The following FAM186B variants were observed in gnomAD, a reference collection of about 807,000 sequenced individuals.
FAM186B encodes family with sequence similarity 186 member B, also known as protein FAM186B.
FAM186B carries 68 observed loss-of-function variants against 83.4 expected under a neutral mutation model. The ratio of observed to expected loss-of-function variants is 0.81; its 90% CI spans 0.67 to 1.00. The LOEUF is 1.00. Among genes scored for constraint, FAM186B ranks in the 50% least tolerant of loss-of-function variants. The pLI is 0.00. For synonymous variants in FAM186B, 389 were observed against 422.0 expected, an observed-to-expected ratio of 0.92 and a Z score of 0.96; for missense variants, 983 against 1,099.2, an observed-to-expected ratio of 0.89 and a Z score of 1.49.
chr12:49,603,369 T>TCATA lies in FAM186B; in HGVS notation c.323-3_323-2insTATG, dbSNP rs1320304025. 8 of 1,613,958 alleles carry TCATA rather than the reference T, an allele frequency of 5.0e-6. No individual in the cohort carries two copies. The African/African-American group carries it at 9.3e-5, about 19-fold the overall frequency. ...CAATCTCATAGGTCAGAGTGTCACC[T>TCATA]GGAGAAGGGATGGGAGGTGCAGGCT... is the stretch of plus-strand genomic sequence containing the variant. On this transcript the variant is annotated splice_region_variant and splice_polypyrimidine_tract_variant and intron_variant, in intron 2 of 6. Transcript: ENST00000257894.
upstream of FAM186B, among the ~76,000 whole-genome samples, chr12:49,609,422 G>A (rs1199175230): frequency 1.3e-5 from 2 of 152,214 alleles, no homozygotes; most frequent in Non-Finnish European, 2.9e-5. Flanking sequence ...AGATCTTCAG[G>A]AATTTGGAGC....
chr12:49,589,978 C>CAAA (rs57724815), intron 5 of FAM186B, among the ~76,000 whole-genome samples: 19 of 60,638 alleles, frequency 3.1e-4, no homozygotes, highest in Middle Eastern at 8.3e-3. Context: ...ACTCTGTCTC[C>CAAA]AAAAAAAAAA....
the FAM186B span, among the ~76,000 whole-genome samples, chr12:49,613,294 G>A: frequency 2.0e-5 from 3 of 152,114 alleles, no homozygotes; most frequent in Admixed American, 6.5e-5. Flanking sequence ...TTGGGAGGCC[G>A]AGGTGGGCAG....
At chr12:49,620,293 A>C in the FAM186B span, among the ~76,000 whole-genome samples, 1 of 152,140 alleles carries the variant, frequency 6.6e-6, no homozygotes, top group Non-Finnish European at 1.5e-5. Flanking sequence ...TTTGGATGTT[A>C]TATGAGTTCT....
At position 49,588,449 on chromosome 12, in the gene FAM186B, C is replaced by G. The variant is rs778103645; in HGVS notation, c.2534+5G>C. The G allele has an allele frequency of 6.2e-7, 1 of 1,608,824 alleles. No individual in the cohort carries two copies. Among genetic ancestry groups the G allele is most frequent in the South Asian group, 1.1e-5 (1 of 90,520 alleles). ...CTGCTGCCCCCTCAGCTTCCCAGAA[C>G]CTACCGGGCCATCTGCAGGGGCACA... On this transcript the variant is annotated splice_donor_5th_base_variant and intron_variant, in intron 6 of 6. Transcript: ENST00000257894.
chr12:49,582,891 C>A (rs1939366481), downstream of FAM186B: 1 of 385,912 alleles, frequency 2.6e-6, no homozygotes, highest in Admixed American at 3.1e-5. Context: ...AAGATACACA[C>A]ACATATATAT....
upstream of FAM186B, among the ~76,000 whole-genome samples, chr12:49,610,140 TG>T (rs755843373): frequency 0.011 from 1,535 of 137,814 alleles, 14 homozygotes; most frequent in Non-Finnish European, 0.017. Context: ...AAAGGGAAGG[TG>T]GAAAAAAAAA....
rs1404480075 is a variant in FAM186B, at chr12:49,600,143, C to T, written c.1497G>A (p.Met499Ile). 6.2e-7 allele frequency: 1 copy of T among 1,613,888 alleles called. No homozygotes were observed. Among genetic ancestry groups the T allele is most frequent in the Non-Finnish European group, 8.5e-7 (1 of 1,179,852 alleles). ...RRQLWLEEEE[M>I]WQQRQKKWAL... Reference sequence around the variant, plus strand: ...CCCACTTCTTCTGCCGCTGCTGCCACATCTCCTCCTCCTCCAGCCACAGCT... The same window carrying T: ...CCCACTTCTTCTGCCGCTGCTGCCATATCTCCTCCTCCTCCAGCCACAGCT... The change falls in exon 4 of 7, where the codon ATG (methionine) becomes ATA (isoleucine). Residue 499 changes from methionine (M) to isoleucine (I), a missense_variant. By Grantham distance (10) the Met-to-Ile change is conservative. Coordinates refer to ENST00000257894, the MANE Select transcript of FAM186B (RefSeq NM_032130.3). The surrounding 1 kb of genome is among the most constrained non-coding windows in gnomAD (Gnocchi z 4.3).
chr12:49,601,883 T>A (rs867998857), intron 3 of FAM186B, among the ~76,000 whole-genome samples: 5 of 152,132 alleles, frequency 3.3e-5, no homozygotes, highest in Middle Eastern at 3.4e-3. Flanking sequence ...GAAAAAACAA[T>A]GCTAACTTCA....
chr12:49,596,406 C>T (rs1939727917), intron 5 of FAM186B, among the ~76,000 whole-genome samples: 1 of 151,086 alleles, frequency 6.6e-6, no homozygotes, highest in Non-Finnish European at 1.5e-5. Flanking sequence ...CTGGGCCACT[C>T]TGCCTATGGG....
chr12:49,595,067 TA>T (rs1316847692), intron 5 of FAM186B: 1 of 238,010 alleles, frequency 4.2e-6, no homozygotes, highest in Non-Finnish European at 8.3e-6. Context: ...TCACGTTGTA[TA>T]AATTAAAGTC....
intron 5 of FAM186B, among the ~76,000 whole-genome samples, chr12:49,592,429 G>A (rs918859719): frequency 1.3e-5 from 2 of 151,852 alleles, no homozygotes; most frequent in Non-Finnish European, 2.9e-5. Context: ...CCGAGATCAT[G>A]CCACTGCACT....
chr12:49,598,763 ACATGGTCAC>A lies in FAM186B; in HGVS notation c.2347_2355del (p.Val783_Met785del). ...CAGGGCGGGAGGCCCACCTTGGGGA[ACATGGTCAC>A]CATGCTGCTCAGGCACTCTCGGTGC... is the stretch of plus-strand genomic sequence containing the variant. On this transcript the variant is annotated inframe_deletion, in exon 5 of 7. Coordinates refer to ENST00000257894, the MANE Select transcript of FAM186B (RefSeq NM_032130.3). 6.2e-7 allele frequency: 1 copy of A among 1,606,780 alleles called. No homozygotes were observed. Among genetic ancestry groups the A allele is most frequent in the Non-Finnish European group, 8.5e-7 (1 of 1,178,438 alleles).
Position 49,587,611 on chromosome 12 carries a change from G to A in FAM186B, c.2676C>T (p.Asp892=), listed in dbSNP as rs201430850. The change falls in exon 7 of 7, where the codon GAC becomes GAT. Residue 892 remains aspartate (D), a synonymous_variant. Coordinates refer to ENST00000257894, the MANE Select transcript of FAM186B (RefSeq NM_032130.3). ...HPDIPRLLTL[D]V is the part of the protein sequence containing the mutation. The stretch of plus-strand genomic sequence containing the variant: ...GGCTTTTGTGGCAGGAGGACTACAC[G>A]TCCAGTGTCAACAGCCGGGGAATAT... The A allele has an allele frequency of 6.3e-5, 101 of 1,613,400 alleles. No homozygotes were observed. The highest frequency in any genetic ancestry group is 5.6e-4 in the East Asian group (25 of 44,836).
At chr12:49,604,617 C>T (rs560020483) in intron 1 of FAM186B, 79 bp from the exon 2 acceptor site, 152 of 1,208,872 alleles carry the variant, frequency 1.3e-4, no homozygotes, top group Non-Finnish European at 1.8e-4. Flanking sequence ...TGACCTTGGA[C>T]AAGTCGCTTA....
chr12:49,596,030 G>T (rs1042333910), intron 5 of FAM186B, among the ~76,000 whole-genome samples: 1 of 152,066 alleles, frequency 6.6e-6, no homozygotes, highest in South Asian at 2.1e-4. Context: ...GAAATGTGAC[G>T]ATCACTTAGA....
chr12:49,614,637 A>G, the FAM186B span, among the ~76,000 whole-genome samples: 1 of 152,164 alleles, frequency 6.6e-6, no homozygotes, highest in Non-Finnish European at 1.5e-5. Flanking sequence ...ACTGTGCTCA[A>G]TATCTGGGTG....
At chr12:49,597,496 A>C (rs182687180) in intron 5 of FAM186B, among the ~76,000 whole-genome samples, 198 of 152,310 alleles carry the variant, frequency 1.3e-3, no homozygotes, top group South Asian at 0.011. Context: ...ACATAGACCA[A>C]AGGATACACA....
upstream of FAM186B, among the ~76,000 whole-genome samples, chr12:49,605,944 A>C (rs549502062): frequency 2.6e-5 from 4 of 151,218 alleles, no homozygotes; most frequent in African/African-American, 7.3e-5. Context: ...TTGTATTTTT[A>C]GTAAAGACGG....
Sources: gnomAD v4.1 joint callset for allele counts (sites outside exome capture counted in the v4.1 genomes callset) on GRCh38, gnomAD v4.1.1 for gene constraint, Gnocchi (gnomAD v3.1) non-coding constraint, MANE v1.5 for transcripts, NCBI Gene and HGNC (gene_info 2026-07-23, HGNC 2026-07-21) for gene names.